Variants in HERC3 observed in about 807,000 individuals in gnomAD.
HERC3 encodes HECT and RLD domain containing E3 ubiquitin protein ligase 3, also known as probable E3 ubiquitin-protein ligase HERC3.
In HERC3, 58 loss-of-function variants were observed where a neutral mutation model predicts 129.9. That is an observed-to-expected ratio of 0.45 (90% CI 0.36 to 0.56). The LOEUF (loss-of-function observed/expected upper bound fraction) is 0.56. Ranked by LOEUF, HERC3 falls within the 20% of genes least tolerant of loss-of-function variation. The pLI is 0.00. For missense variants in HERC3, 835 were observed against 1,244.2 expected, an observed-to-expected ratio of 0.67 and a Z score of 4.95; for synonymous variants, 430 against 451.0, an observed-to-expected ratio of 0.95 and a Z score of 0.59.
the HERC3 span, among the ~76,000 whole-genome samples, chr4:88,540,169 T>C: frequency 1.3e-5 from 2 of 152,078 alleles, no homozygotes; most frequent in Non-Finnish European, 2.9e-5. Context: ...TTCTAACCCA[T>C]CACAAGGAGG....
chr4:88,657,939 T>G lies in HERC3; in HGVS notation c.1070-476T>G, dbSNP rs185611199. On this transcript the variant is annotated intron_variant, in intron 9 of 25. Coordinates refer to ENST00000402738, the MANE Select transcript of HERC3 (RefSeq NM_014606.3). Reference sequence around the variant, plus strand: ...CCGAGATGTGAAATAGTGTGGTGTATTAGAAATAAAGGCAACGTGGTAGTA... The same window carrying G: ...CCGAGATGTGAAATAGTGTGGTGTAGTAGAAATAAAGGCAACGTGGTAGTA... Among the ~76,000 whole-genome samples the G allele has an allele frequency of 7.2e-5, 11 of 151,908 alleles. No homozygotes were observed. In the East Asian group the frequency reaches 2.1e-3, roughly 30 times the overall value.
At chr4:88,638,694 C>T (rs908361704) in intron 3 of HERC3, among the ~76,000 whole-genome samples, 14 of 152,140 alleles carry the variant, frequency 9.2e-5, no homozygotes, top group African/African-American at 3.4e-4. Context: ...ACAAGGATGC[C>T]ATCTTTCACC....
chr4:88,628,335 A>G lies in HERC3; in HGVS notation c.227-21505A>G, dbSNP rs546702420. 6.6e-5 allele frequency among the ~76,000 whole-genome samples: 10 copies of G among 152,324 alleles called. No homozygotes were observed. In the East Asian group the frequency reaches 1.9e-3, roughly 29 times the overall value. On this transcript the variant is annotated intron_variant, in intron 3 of 25. Transcript: ENST00000402738. Reference sequence around the variant, plus strand: ...AGTAATATTCGATGTTTTGAAATCTACCTTGCCTGATATAAATAACTTTAG... The same window carrying G: ...AGTAATATTCGATGTTTTGAAATCTGCCTTGCCTGATATAAATAACTTTAG...
chr4:88,659,399 A>G (rs756193021), intron 10 of HERC3, among the ~76,000 whole-genome samples: 4 of 152,236 alleles, frequency 2.6e-5, no homozygotes, highest in African/African-American at 4.8e-5. Context: ...GCTATCTTTA[A>G]GTACACAAAG....
In HERC3 at chr4:88,677,993, T is replaced by C. The variant is rs1732349996; in HGVS notation, c.2055T>C (p.Asn685=). The C allele has an allele frequency of 6.2e-7, 1 of 1,613,462 alleles. No individual in the cohort carries two copies. Among genetic ancestry groups the C allele is most frequent in the Non-Finnish European group, 8.5e-7 (1 of 1,179,986 alleles). ...QVAVNGANLQ[N]VFMLLTLEPL... is the part of the protein sequence containing the mutation. ...CAGTCAATGGAGCCAACCTGCAGAA[T>C]GTCTTCATGCTTCTCACCCTGGAGC... The change falls in exon 19 of 26, where the codon AAT becomes AAC. Residue 685 remains asparagine (N), a synonymous_variant. Coordinates refer to ENST00000402738, the MANE Select transcript of HERC3 (RefSeq NM_014606.3).
intron 18 of HERC3, among the ~76,000 whole-genome samples, chr4:88,676,862 G>T (rs1732224484): frequency 6.6e-6 from 1 of 152,144 alleles, no homozygotes. Context: ...TAGAAACCAT[G>T]CCGGGTGCAG....
At chr4:88,637,674 C>A (rs779338948) in intron 3 of HERC3, among the ~76,000 whole-genome samples, 2 of 152,112 alleles carry the variant, frequency 1.3e-5, no homozygotes, top group Non-Finnish European at 2.9e-5. Flanking sequence ...ACCCTAACAT[C>A]ACAACTAAAA....
chr4:88,585,516 T>C, the HERC3 span, among the ~76,000 whole-genome samples: 1 of 139,642 alleles, frequency 7.2e-6, no homozygotes, highest in Admixed American at 6.8e-5. Flanking sequence ...TTTGATACTT[T>C]GCTTTTTTTT....
At chr4:88,699,975 C>T (rs771339312) in intron 23 of HERC3, among the ~76,000 whole-genome samples, 3 of 152,086 alleles carry the variant, frequency 2.0e-5, no homozygotes, top group Non-Finnish European at 2.9e-5. Context: ...TCCGTTGTGG[C>T]CCTTCCCCAG....
At chr4:88,583,560 A>C in the HERC3 span, 1 of 152,368 alleles carries the variant, frequency 6.6e-6, no homozygotes, top group South Asian at 2.1e-4. Context: ...CTTGTCTTTG[A>C]AATGACTAGG....
chr4:88,526,554 T>A, the HERC3 span, among the ~76,000 whole-genome samples: 3 of 152,212 alleles, frequency 2.0e-5, no homozygotes, highest in Non-Finnish European at 4.4e-5. Context: ...TTTATTTTCT[T>A]GAGACAGATT....
intron 4 of HERC3, among the ~76,000 whole-genome samples, 178 bp from the exon 5 acceptor site, chr4:88,651,834 C>G (rs1391885881): frequency 6.6e-6 from 1 of 152,142 alleles, no homozygotes; most frequent in Non-Finnish European, 1.5e-5. Context: ...GTGATAAGCC[C>G]ACCTTGGCCT....
the HERC3 span, among the ~76,000 whole-genome samples, chr4:88,561,373 A>T: frequency 6.6e-5 from 10 of 152,076 alleles, no homozygotes; most frequent in African/African-American, 1.2e-4. Flanking sequence ...ATTTAAAAAA[A>T]TTTTATGGGT....
chr4:88,566,871 C>A, the HERC3 span, among the ~76,000 whole-genome samples: 1 of 152,286 alleles, frequency 6.6e-6, no homozygotes, highest in African/African-American at 2.4e-5. Flanking sequence ...TTCATTGCAG[C>A]CTTGACCTCC....
the HERC3 span, among the ~76,000 whole-genome samples, chr4:88,581,845 T>C: frequency 6.6e-6 from 1 of 152,232 alleles, no homozygotes; most frequent in Non-Finnish European, 1.5e-5. Flanking sequence ...CAAATACTAA[T>C]ATCTTCACAA....
At chr4:88,624,209 G>A (rs976547463) in intron 3 of HERC3, among the ~76,000 whole-genome samples, 20 of 152,222 alleles carry the variant, frequency 1.3e-4, no homozygotes, top group Non-Finnish European at 1.2e-4. Context: ...GGGTTGTTTC[G>A]AATAAAACTG....
chr4:88,533,529 T>C, the HERC3 span, among the ~76,000 whole-genome samples: 1 of 152,236 alleles, frequency 6.6e-6, no homozygotes, highest in African/African-American at 2.4e-5. Flanking sequence ...CTACTCATAC[T>C]ACTATCCCCT....
At chr4:88,678,190 G>A in intron 19 of HERC3, 56 bp downstream of exon 19, 1 of 1,491,946 alleles carries the variant, frequency 6.7e-7, no homozygotes, top group East Asian at 2.3e-5. Context: ...TTTGAACAGT[G>A]TTGATTAAGC....
At chr4:88,611,855 G>C (rs941047831) in intron 3 of HERC3, among the ~76,000 whole-genome samples, 9 of 152,198 alleles carry the variant, frequency 5.9e-5, no homozygotes, top group African/African-American at 2.2e-4. Context: ...GTCTGGAGGA[G>C]AATTTATTTC....
Sources: allele counts gnomAD v4.1 joint callset (sites outside exome capture counted in the v4.1 genomes callset), GRCh38; gene constraint gnomAD v4.1.1; transcripts MANE v1.5; gene names NCBI Gene and HGNC (gene_info 2026-07-23, HGNC 2026-07-21).